The following IL22 variants were observed in gnomAD, a reference collection of about 807,000 sequenced individuals.
IL22 encodes interleukin 22.
In IL22, 15 loss-of-function variants were observed where a neutral mutation model predicts 15.5. The ratio of observed to expected loss-of-function variants is 0.97; its 90% confidence interval spans 0.65 to 1.49. The LOEUF (loss-of-function observed/expected upper bound fraction) is 1.49, where lower values mean the gene tolerates loss of function less well. IL22 is among the 40% of genes most tolerant of loss of function. IL22 has a pLI of 0.00. For synonymous variants in IL22, 91 were observed against 82.0 expected (o/e 1.11, Z -0.60); for missense variants, 225 against 215.4 (o/e 1.04, Z -0.28).
At chr12:68,253,168 T>C in intron 2 of IL22, 95 bp downstream of exon 2, 2 of 1,047,588 alleles carry the variant, frequency 1.9e-6, no homozygotes, top group Non-Finnish European at 2.7e-6. Context: ...AAACAGTGGG[T>C]TCCTAAAGCT....
At chr12:68,250,142 A>T (rs1869878020) in intron 5 of IL22, among the ~76,000 whole-genome samples, 2 of 151,984 alleles carry the variant, frequency 1.3e-5, no homozygotes. Context: ...AAGCATAATC[A>T]CTCTTCCACA....
chr12:68,250,293 T>A (rs1047659967), intron 5 of IL22, among the ~76,000 whole-genome samples: 1 of 152,234 alleles, frequency 6.6e-6, no homozygotes, highest in African/African-American at 2.4e-5. Context: ...AGTAATTTTT[T>A]AAGCAAGATG....
At position 68,253,298 on chromosome 12, in the gene IL22, A is replaced by G. The variant is rs1436581994; in HGVS notation, c.151T>C (p.Tyr51His). ...RLDKSNFQQPYITNRTFMLAK... is the reference protein window; with the variant it reads ...RLDKSNFQQPHITNRTFMLAK... ...AGCATGAAGGTGCGGTTGGTGATATAGGGCTGCTGGAAGTTGGACTTGTCA... is the reference window on the plus strand; with the variant it reads ...AGCATGAAGGTGCGGTTGGTGATATGGGGCTGCTGGAAGTTGGACTTGTCA... Residue 51 changes from tyrosine (Y) to histidine (H), a missense_variant, in exon 2 of 6, where the codon TAT becomes CAT. Tyr to His is a moderately conservative substitution (Grantham distance 83, BLOSUM62 2). Coordinates refer to ENST00000538666, the MANE Select transcript of IL22 (RefSeq NM_020525.5). The G allele has an allele frequency of 1.2e-6, 2 of 1,613,634 alleles. No homozygotes were observed. Among genetic ancestry groups the G allele is most frequent in the Non-Finnish European group, 8.5e-7 (1 of 1,179,800 alleles).
At chr12:68,251,653 C>T in intron 4 of IL22, 75 bp from the exon 5 acceptor site, 1 of 1,057,136 alleles carries the variant, frequency 9.5e-7, no homozygotes, top group Non-Finnish European at 1.5e-6. Flanking sequence ...CATGGAGGTA[C>T]AGTACAATTC....
intron 4 of IL22, 81 bp downstream of exon 4, chr12:68,252,423 G>GGA: frequency 1.4e-6 from 2 of 1,409,704 alleles, no homozygotes; most frequent in Non-Finnish European, 2.0e-6. Flanking sequence ...GTAGGGGGAA[G>GGA]GAGAGAGAGT....
Position 68,248,713 on chromosome 12 carries a change from G to A in IL22, c.*86C>T. On this transcript the variant is annotated 3_prime_UTR_variant, in exon 6 of 6. Coordinates refer to ENST00000538666, the MANE Select transcript of IL22 (RefSeq NM_020525.5). The stretch of plus-strand genomic sequence containing the variant: ...GAGTTTGGCTTCCCATCTTCCTTTT[G>A]GTTAAAAAAAATCGCTTTGGGGCAT... 2 of 1,039,984 alleles carry A rather than the reference G, an allele frequency of 1.9e-6. No homozygotes were observed. The highest frequency in any genetic ancestry group is 2.9e-6 in the Non-Finnish European group (2 of 688,220). 64.4% of individuals were successfully genotyped at this position (1,039,984 alleles called of 1,614,324 possible).
chr12:68,248,630 G>A lies in IL22; in HGVS notation c.*169C>T, dbSNP rs921228640. 8.5e-6 allele frequency: 5 copies of A among 589,230 alleles called. No homozygotes were observed. Among genetic ancestry groups the A allele is most frequent in the East Asian group, 5.4e-5 (2 of 36,822 alleles). 36.5% of individuals were successfully genotyped at this position (589,230 alleles called of 1,614,324 possible). ...CCTTCTGGTCTTATAAACAAAAGTGGCATTGGTTTCCTTTGTAACTAACGC... is the reference window on the plus strand; with the variant it reads ...CCTTCTGGTCTTATAAACAAAAGTGACATTGGTTTCCTTTGTAACTAACGC... On this transcript the variant is annotated 3_prime_UTR_variant, in exon 6 of 6. Transcript: ENST00000538666.
At position 68,252,791 on chromosome 12, in the gene IL22, A is replaced by G. The variant is rs1869980855; in HGVS notation, c.225T>C (p.Ile75=). ...TGACTCCGTGGAACAGTTTCTCCCC[A>G]ATGAGACGAACGTCTGTGTTGTTAT... The part of the protein sequence containing the change: ...LADNNTDVRL[I]GEKLFHGVSM... The change falls in exon 3 of 6, where the codon ATT becomes ATC. Residue 75 remains isoleucine, a synonymous_variant. Transcript: ENST00000538666. 1 of 1,614,020 alleles carries G rather than the reference A, an allele frequency of 6.2e-7. No individual in the cohort carries two copies. Among genetic ancestry groups the G allele is most frequent in the African/African-American group, 1.3e-5 (1 of 75,030 alleles).
chr12:68,250,357 T>C (rs1196195969), intron 5 of IL22, among the ~76,000 whole-genome samples: 2 of 152,202 alleles, frequency 1.3e-5, no homozygotes, highest in Admixed American at 1.3e-4. Flanking sequence ...CATGTCTAGA[T>C]AATAGTTCTA....
Position 68,253,423 on chromosome 12 carries a change from C to G in IL22, c.26G>C (p.Ser9Thr). MAALQKSV[S>T]SFLMGTLATS... is the part of the protein sequence containing the mutation. ...GGCCAGGGTCCCCATAAGGAAAGAG[C>G]TCACAGATTTCTGCAGGGCGGCCAT... The change falls in exon 2 of 6, where the codon AGC becomes ACC. Residue 9 changes from serine (S) to threonine (T), a missense_variant. By Grantham distance (58) the Ser-to-Thr change is moderately conservative (BLOSUM62 1). Transcript: ENST00000538666. The G allele has an allele frequency of 1.2e-6, 2 of 1,605,988 alleles. No individual in the cohort carries two copies. The highest frequency in any genetic ancestry group is 1.7e-6 in the Non-Finnish European group (2 of 1,175,274).
At chr12:68,252,681 G>T in intron 3 of IL22, 34 bp from the exon 4 acceptor site, 4 of 1,613,350 alleles carry the variant, frequency 2.5e-6, no homozygotes, top group Non-Finnish European at 3.4e-6. Context: ...AGGGTCATAA[G>T]GGATAAGACC....
At chr12:68,250,085 G>A (rs1372747671) in intron 5 of IL22, among the ~76,000 whole-genome samples, 1 of 152,014 alleles carries the variant, frequency 6.6e-6, no homozygotes, top group Non-Finnish European at 1.5e-5. Context: ...ATCTTTCTCT[G>A]AACAACATTG....
chr12:68,252,896 A>T, intron 2 of IL22, 67 bp from the exon 3 acceptor site: 1 of 1,206,110 alleles, frequency 8.3e-7, no homozygotes, highest in East Asian at 2.3e-5. Flanking sequence ...ATACATAGAC[A>T]TGTGCCCCAT....
intron 5 of IL22, among the ~76,000 whole-genome samples, chr12:68,250,484 A>C (rs1008392518): frequency 6.6e-6 from 1 of 152,192 alleles, no homozygotes; most frequent in Non-Finnish European, 1.5e-5. Context: ...AAAAGTCAAG[A>C]GGGAAAAAGG....
intron 4 of IL22, among the ~76,000 whole-genome samples, chr12:68,251,852 A>G (rs1376150336): frequency 6.6e-6 from 1 of 152,202 alleles, no homozygotes; most frequent in Non-Finnish European, 1.5e-5. Flanking sequence ...TAGTTTATGC[A>G]AATTCTGTAA....
Position 68,251,584 on chromosome 12 carries a change from A to G in IL22, c.397-6T>C. On this transcript the variant is annotated splice_polypyrimidine_tract_variant and splice_region_variant and intron_variant, in intron 4 of 5. Coordinates refer to ENST00000538666, the MANE Select transcript of IL22 (RefSeq NM_020525.5). Reference sequence around the variant, plus strand: ...AGGTCATCACCTTCAATATGCTATAAAACAATAACAAGCATAACTATCTTA... The same window carrying G: ...AGGTCATCACCTTCAATATGCTATAGAACAATAACAAGCATAACTATCTTA... The G allele has an allele frequency of 6.2e-7, 1 of 1,601,298 alleles. No individual in the cohort carries two copies. The highest frequency in any genetic ancestry group is 8.6e-7 in the Non-Finnish European group (1 of 1,168,458).
intron 4 of IL22, among the ~76,000 whole-genome samples, chr12:68,252,178 A>G (rs1017831088): frequency 1.3e-4 from 20 of 152,044 alleles, no homozygotes; most frequent in Non-Finnish European, 5.9e-5. Flanking sequence ...CTTAGACTCA[A>G]TGGATCCATT....
chr12:68,253,316 A>G lies in IL22; in HGVS notation c.133T>C (p.Ser45Pro), dbSNP rs202073032. ...GTGATATAGGGCTGCTGGAAGTTGG[A>G]CTTGTCAAGCCTGCAGTGGGAGCTG... is the stretch of plus-strand genomic sequence containing the variant. ...PISSHCRLDK[S>P]NFQQPYITNR... Residue 45 changes from serine to proline, a missense_variant, in exon 2 of 6, where the codon TCC (serine) becomes CCC (proline). Coordinates refer to ENST00000538666, the MANE Select transcript of IL22 (RefSeq NM_020525.5). 1.5e-4 allele frequency: 235 copies of G among 1,613,824 alleles called. 3 individuals carry two copies. The highest frequency in any genetic ancestry group is 8.3e-4 in the Middle Eastern group (5 of 6,054).
At position 68,252,666 on chromosome 12, in the gene IL22, C is replaced by T. The variant is rs1869974330; in HGVS notation, c.253-19G>A. 2.5e-6 allele frequency: 4 copies of T among 1,613,920 alleles called. No homozygotes were observed. In the East Asian group the frequency reaches 8.9e-5, roughly 36 times the overall value. ...CACTCATCTGCAGGTGGAAGGGAAA[C>T]AGAAAGGGTCATAAGGGATAAGACC... On this transcript the variant is annotated intron_variant, in intron 3 of 5. Transcript: ENST00000538666.
Sources: gnomAD v4.1 joint callset for allele counts (sites outside exome capture counted in the v4.1 genomes callset) on GRCh38, gnomAD v4.1.1 for gene constraint, MANE v1.5 for transcripts, NCBI Gene and HGNC (gene_info 2026-07-23, HGNC 2026-07-21) for gene names.